Variants in ZNF438 observed in about 807,000 individuals in gnomAD.
ZNF438 encodes zinc finger protein 438.
ZNF438 carries 25 observed loss-of-function variants against 38.0 expected under a neutral mutation model. The observed-to-expected ratio is 0.66, with a 90% CI of 0.48 to 0.92. ZNF438 has a LOEUF of 0.92. Among genes scored for constraint, ZNF438 ranks in the 40% least tolerant of loss-of-function variants. ZNF438 has a pLI of 0.00. For synonymous variants in ZNF438, 372 were observed against 364.1 expected, an observed-to-expected ratio of 1.02 and a Z score of -0.25; for missense variants, 1,007 against 999.6, an observed-to-expected ratio of 1.01 and a Z score of -0.10.
intron 1 of ZNF438, among the ~76,000 whole-genome samples, chr10:30,959,229 T>TA (rs1451378833): frequency 6.8e-6 from 1 of 147,036 alleles, no homozygotes; most frequent in Non-Finnish European, 1.5e-5. Flanking sequence ...TTTAGACTGT[T>TA]AGACTTTGAG....
chr10:30,910,678 T>C (rs1446610140), intron 2 of ZNF438, among the ~76,000 whole-genome samples: 1 of 116,034 alleles, frequency 8.6e-6, no homozygotes, highest in Non-Finnish European at 1.8e-5. Context: ...TATTTGTATA[T>C]TGGCCAAAAA....
intron 3 of ZNF438, among the ~76,000 whole-genome samples, chr10:30,878,466 C>T (rs1265461429): frequency 6.6e-6 from 1 of 152,128 alleles, no homozygotes; most frequent in African/African-American, 2.4e-5. Flanking sequence ...TGAGAGACAT[C>T]CATCGCTAAA....
At chr10:30,849,969 A>G in exon 5 of ZNF438, 1 of 1,614,176 alleles carries the variant, frequency 6.2e-7, no homozygotes, top group Non-Finnish European at 8.5e-7. Context: ...GCTTTGCTAC[A>G]GCCACTCTTA....
intron 2 of ZNF438, among the ~76,000 whole-genome samples, chr10:30,932,477 AC>A (rs1460385164): frequency 6.6e-6 from 1 of 152,200 alleles, no homozygotes; most frequent in East Asian, 1.9e-4. Context: ...TTTTGTCCTT[AC>A]TGCAATCCTA....
chr10:30,849,171 T>C (rs1211327734), exon 5 of ZNF438: 14 of 1,613,980 alleles, frequency 8.7e-6, no homozygotes, highest in Non-Finnish European at 1.1e-5. Context: ...ACTCTTTCTT[T>C]ACCATCTCTA....
intron 2 of ZNF438, among the ~76,000 whole-genome samples, chr10:30,926,676 A>G (rs1467759115): frequency 1.3e-5 from 2 of 152,100 alleles, no homozygotes; most frequent in East Asian, 3.8e-4. Flanking sequence ...AAGGAACAAC[A>G]AAGTACTACT....
chr10:30,980,150 A>G (rs2051939905), intron 1 of ZNF438, among the ~76,000 whole-genome samples: 1 of 152,066 alleles, frequency 6.6e-6, no homozygotes, highest in Non-Finnish European at 1.5e-5. Context: ...CAGGAGATAA[A>G]GTCAGCAGGC....
At chr10:31,009,518 AC>A (rs1365042308) in intron 1 of ZNF438, among the ~76,000 whole-genome samples, 14 of 152,336 alleles carry the variant, frequency 9.2e-5, no homozygotes, top group African/African-American at 3.1e-4. Flanking sequence ...CTCAAAAAAT[AC>A]TAAGTATTAT....
chr10:30,857,618 AC>A, intron 4 of ZNF438: 1 of 1,299,806 alleles, frequency 7.7e-7, no homozygotes, highest in Non-Finnish European at 1.1e-6. Context: ...GAGATAACTC[AC>A]AGAAAATTAA....
chr10:30,883,135 A>T (rs766894619), intron 3 of ZNF438, among the ~76,000 whole-genome samples: 4 of 152,228 alleles, frequency 2.6e-5, no homozygotes, highest in Non-Finnish European at 4.4e-5. Context: ...AAGAATGTTA[A>T]GACTTACTAA....
intron 4 of ZNF438, among the ~76,000 whole-genome samples, chr10:30,862,912 T>A (rs374515933): frequency 3.3e-5 from 5 of 152,378 alleles, no homozygotes; most frequent in African/African-American, 1.2e-4. Context: ...GTTCACTTTA[T>A]CTAAAAGAGG....
At chr10:30,872,308 C>A (rs995213062) in intron 4 of ZNF438, among the ~76,000 whole-genome samples, 2 of 151,738 alleles carry the variant, frequency 1.3e-5, no homozygotes, top group South Asian at 2.1e-4. Flanking sequence ...CTCCTGTAGT[C>A]CCAGCTATTC....
intron 3 of ZNF438, among the ~76,000 whole-genome samples, chr10:30,905,937 G>A (rs570442652): frequency 7.9e-5 from 12 of 152,160 alleles, no homozygotes; most frequent in South Asian, 6.2e-4. Context: ...CTATCCTTAC[G>A]CCACTACCAC....
At chr10:30,962,936 C>T (rs553009329) in intron 1 of ZNF438, among the ~76,000 whole-genome samples, 1 of 152,168 alleles carries the variant, frequency 6.6e-6, no homozygotes, top group Non-Finnish European at 1.5e-5. Flanking sequence ...TAAAATAATA[C>T]AAGTAGATGT....
intron 3 of ZNF438, among the ~76,000 whole-genome samples, chr10:30,902,492 G>C (rs191651333): frequency 1.3e-5 from 2 of 152,238 alleles, no homozygotes; most frequent in African/African-American, 2.4e-5. Flanking sequence ...CACCAGATTA[G>C]CTAGACACAG....
intron 2 of ZNF438, among the ~76,000 whole-genome samples, chr10:30,910,826 C>G (rs3006602): frequency 0.78 from 118,797 of 151,820 alleles, 47,274 homozygotes; most frequent in African/African-American, 0.9. Context: ...TAAATTAATA[C>G]AGTTAAAATT....
intron 5 of ZNF438, among the ~76,000 whole-genome samples, chr10:30,847,520 G>A (rs1405860753): frequency 6.6e-6 from 1 of 152,184 alleles, no homozygotes; most frequent in Non-Finnish European, 1.5e-5. Context: ...CCTGAACGCA[G>A]GACAAGAACT....
intron 1 of ZNF438, among the ~76,000 whole-genome samples, chr10:30,945,042 C>T: frequency 6.7e-6 from 1 of 149,640 alleles, no homozygotes; most frequent in South Asian, 2.1e-4. Flanking sequence ...CAGTACTCTT[C>T]CAGATTTTTT....
chr10:30,975,131 A>G (rs2051194874), intron 1 of ZNF438, among the ~76,000 whole-genome samples: 1 of 152,212 alleles, frequency 6.6e-6, no homozygotes, highest in Non-Finnish European at 1.5e-5. Flanking sequence ...TCTTAAAGAT[A>G]TAATATTACC....
Sources: allele counts gnomAD v4.1 joint callset (sites outside exome capture counted in the v4.1 genomes callset), GRCh38; gene constraint gnomAD v4.1.1; transcripts MANE v1.5; gene names NCBI Gene and HGNC (gene_info 2026-07-23, HGNC 2026-07-21).